Variants in DLC1 observed in about 807,000 individuals in gnomAD.
The protein encoded by DLC1 is DLC1 Rho GTPase activating protein, also known as rho GTPase-activating protein 7.
Under a neutral mutation model 140.3 loss-of-function variants are expected in DLC1, and 54 were observed. That is an observed-to-expected ratio of 0.38 (90% CI 0.31 to 0.48). DLC1 has a LOEUF of 0.48. Among genes scored for constraint, DLC1 ranks in the 20% least tolerant of loss-of-function variants. DLC1 has a pLI of 0.96. For missense variants in DLC1, 2,536 were observed against 1,907.0 expected, an observed-to-expected ratio of 1.33 and a Z score of -6.14; for synonymous variants, 986 against 728.1, an observed-to-expected ratio of 1.35 and a Z score of -5.70.
At position 13,115,702 on chromosome 8, in the gene DLC1, G is replaced by A. The variant is rs199909346; in HGVS notation, c.1349-45C>T. ...AGACAAAATTAGCCATGTGTACCTC[G>A]CCATGCTTATTTTTCCTGAATAAGC... is the stretch of plus-strand genomic sequence containing the variant. On this transcript the variant is annotated intron_variant, in intron 5 of 17. Coordinates refer to ENST00000276297, the MANE Select transcript of DLC1 (RefSeq NM_182643.3). 1.8e-5 allele frequency: 28 copies of A among 1,572,572 alleles called. No individual in the cohort carries two copies. The Middle Eastern group carries it at 5.0e-4, about 28-fold the overall frequency.
chr8:13,458,579 A>G (rs572668821), intron 2 of DLC1, among the ~76,000 whole-genome samples: 1 of 152,340 alleles, frequency 6.6e-6, no homozygotes, highest in South Asian at 2.1e-4. Flanking sequence ...CAGAGATCAC[A>G]CTGTGCAATG....
intron 5 of DLC1, among the ~76,000 whole-genome samples, chr8:13,279,165 T>C (rs962295260): frequency 3.3e-5 from 5 of 152,196 alleles, no homozygotes; most frequent in African/African-American, 1.2e-4. Flanking sequence ...ATCCTGAGTC[T>C]GCAGATAGAT....
intron 1 of DLC1, among the ~76,000 whole-genome samples, chr8:13,555,750 G>C (rs1372836261): frequency 6.6e-6 from 1 of 151,168 alleles, no homozygotes; most frequent in Non-Finnish European, 1.5e-5. Context: ...GATCCTCTCC[G>C]CTTGGCCTCC....
At chr8:13,394,204 T>G (rs1286702822) in intron 3 of DLC1, among the ~76,000 whole-genome samples, 5 of 152,224 alleles carry the variant, frequency 3.3e-5, no homozygotes, top group Non-Finnish European at 5.9e-5. Context: ...CCTGGAATAT[T>G]TGAGCTGAAA....
At chr8:13,434,385 G>C (rs1839021086) in intron 2 of DLC1, among the ~76,000 whole-genome samples, 1 of 152,136 alleles carries the variant, frequency 6.6e-6, no homozygotes, top group African/African-American at 2.4e-5. Context: ...CCAGTAATTT[G>C]AGTTTCTCCA....
At chr8:13,092,119 C>T (rs1033276982) in intron 13 of DLC1, among the ~76,000 whole-genome samples, 15 of 152,256 alleles carry the variant, frequency 9.9e-5, no homozygotes, top group African/African-American at 3.4e-4. Flanking sequence ...GTGGCAGGCA[C>T]CTATAGTCCC....
chr8:13,325,065 A>G (rs560833161), intron 4 of DLC1, among the ~76,000 whole-genome samples: 2 of 152,356 alleles, frequency 1.3e-5, no homozygotes, highest in Non-Finnish European at 2.9e-5. Context: ...AACAGATATA[A>G]CAAAGGTACT....
At chr8:13,574,395 A>G (rs1047465443) in intron 1 of DLC1, among the ~76,000 whole-genome samples, 4 of 152,136 alleles carry the variant, frequency 2.6e-5, no homozygotes, top group South Asian at 2.1e-4. Context: ...CAAACTTAAT[A>G]TATGTTTTTT....
chr8:13,272,168 C>G (rs1436113519), intron 5 of DLC1, among the ~76,000 whole-genome samples: 2 of 152,182 alleles, frequency 1.3e-5, no homozygotes, highest in Non-Finnish European at 2.9e-5. Flanking sequence ...CTAGTATTGG[C>G]CAGGCCCAGT....
chr8:13,299,909 T>A (rs1188288), intron 5 of DLC1, among the ~76,000 whole-genome samples: 57,385 of 151,996 alleles, frequency 0.38, 11,047 homozygotes, highest in Middle Eastern at 0.46. Context: ...GAAATGCCAC[T>A]GAGTCAGCAA....
chr8:13,464,746 T>A (rs1799842882), intron 2 of DLC1, among the ~76,000 whole-genome samples: 1 of 130,930 alleles, frequency 7.6e-6, no homozygotes, highest in Non-Finnish European at 1.6e-5. Context: ...GAATTTTAAA[T>A]TATATATATA....
At chr8:13,226,987 T>G (rs1271409369) in intron 5 of DLC1, among the ~76,000 whole-genome samples, 5 of 152,102 alleles carry the variant, frequency 3.3e-5, no homozygotes, top group Non-Finnish European at 5.9e-5. Flanking sequence ...AAAAAACTTC[T>G]GCAAAAAACT....
intron 5 of DLC1, among the ~76,000 whole-genome samples, chr8:13,201,311 A>AT (rs1827367332): frequency 6.6e-6 from 1 of 152,146 alleles, no homozygotes; most frequent in East Asian, 1.9e-4. Flanking sequence ...TATTTTAATG[A>AT]TTTTTTGCAT....
At position 13,583,539 on chromosome 8, in the gene DLC1, A is replaced by G. The variant is rs181673341; in HGVS notation, c.-126+20998T>C. Reference sequence around the variant, plus strand: ...AGTCTTAAACCCCTCAAAGTAATCCAGGAGGGTTGGAATCAACTTTTTCCA... The same window carrying G: ...AGTCTTAAACCCCTCAAAGTAATCCGGGAGGGTTGGAATCAACTTTTTCCA... On this transcript the variant is annotated intron_variant, in intron 1 of 1. Transcript: ENST00000631382. Among the ~76,000 whole-genome samples the G allele has an allele frequency of 3.6e-3, 546 of 152,316 alleles. 4 individuals carry two copies. Among genetic ancestry groups the G allele is most frequent in the Non-Finnish European group, 5.8e-3 (397 of 68,024 alleles).
At chr8:13,159,857 G>A (rs73663611) in intron 5 of DLC1, among the ~76,000 whole-genome samples, 5,967 of 120,734 alleles carry the variant, frequency 0.049, 366 homozygotes, top group African/African-American at 0.18. Context: ...AACCTGGTTT[G>A]AAAAAAAAAA....
intron 5 of DLC1, chr8:13,133,016 A>G: frequency 6.2e-7 from 1 of 1,602,028 alleles, no homozygotes; most frequent in African/African-American, 1.3e-5. Flanking sequence ...CGCTGTGGGG[A>G]AGTCGAGGCA....
intron 5 of DLC1, among the ~76,000 whole-genome samples, chr8:13,180,673 C>T (rs570626057): frequency 1.3e-5 from 2 of 152,206 alleles, no homozygotes; most frequent in African/African-American, 4.8e-5. Context: ...CCCACTTCAA[C>T]TTCTTTATTC....
intron 2 of DLC1, among the ~76,000 whole-genome samples, chr8:13,472,758 A>G (rs1030580589): frequency 6.6e-6 from 1 of 152,262 alleles, no homozygotes; most frequent in Non-Finnish European, 1.5e-5. Context: ...GGAATTGACT[A>G]TCAAATAATT....
intron 1 of DLC1, among the ~76,000 whole-genome samples, chr8:13,505,886 T>C (rs1191336462): frequency 6.6e-6 from 1 of 152,182 alleles, no homozygotes; most frequent in African/African-American, 2.4e-5. Flanking sequence ...AAATAACATA[T>C]AAATAGCATT....
Sources: gnomAD v4.1 joint callset for allele counts (sites outside exome capture counted in the v4.1 genomes callset) on GRCh38, gnomAD v4.1.1 for gene constraint, MANE v1.5 for transcripts, NCBI Gene and HGNC (gene_info 2026-07-23, HGNC 2026-07-21) for gene names.